Variants in WNT9B observed in about 807,000 individuals in gnomAD.
The protein encoded by WNT9B is protein Wnt-9b.
A neutral mutation model predicts 30.2 loss-of-function variants in WNT9B; 12 were observed. The ratio of observed to expected loss-of-function variants is 0.40; its 90% CI spans 0.26 to 0.64. The LOEUF is 0.64. Among genes scored for constraint, WNT9B ranks in the 30% least tolerant of loss-of-function variants. The pLI is 0.42. For missense variants in WNT9B, 442 were observed against 485.2 expected, an observed-to-expected ratio of 0.91 and a Z score of 0.84; for synonymous variants, 218 against 216.9, an observed-to-expected ratio of 1.01 and a Z score of -0.05.
Position 46,833,309 on chromosome 17 carries a change from G to A in WNT9B, c.-37G>A, listed in dbSNP as rs116535967. On this transcript the variant is annotated 5_prime_UTR_variant, in exon 1 of 3. Coordinates refer to the WNT9B transcript ENST00000575372. ...CACAAGTTCTAACGTCCCACTGAAA[G>A]CAAGCTGCAATTTCTGTTGCTTCTT... 3.8e-3 allele frequency: 1,943 copies of A among 506,792 alleles called. 36 individuals carry two copies. Among genetic ancestry groups the A allele is most frequent in the African/African-American group, 0.032 (1,635 of 51,882 alleles). The allele number at this position is 506,792 out of a possible 1,614,324, so 31.4% of individuals were successfully genotyped here.
At chr17:46,863,908 C>T (rs1459432952) in intron 1 of WNT9B, among the ~76,000 whole-genome samples, 4 of 152,166 alleles carry the variant, frequency 2.6e-5, no homozygotes, top group Non-Finnish European at 5.9e-5. Context: ...CTTGATCAGG[C>T]AGGGAGGTTC....
At chr17:46,852,383 G>A (rs2084865147) in intron 1 of WNT9B, among the ~76,000 whole-genome samples, 1 of 149,150 alleles carries the variant, frequency 6.7e-6, no homozygotes, top group South Asian at 2.2e-4. Flanking sequence ...AAGAGTGAGA[G>A]GGCCCAGTGT....
At chr17:46,854,661 A>T (rs2146549365) in intron 1 of WNT9B, among the ~76,000 whole-genome samples, 1 of 152,120 alleles carries the variant, frequency 6.6e-6, no homozygotes, top group Non-Finnish European at 1.5e-5. Flanking sequence ...CAGTTTACAA[A>T]TCTCTTTTTT....
At chr17:46,863,541 G>C (rs1335473114) in intron 1 of WNT9B, among the ~76,000 whole-genome samples, 1 of 152,200 alleles carries the variant, frequency 6.6e-6, no homozygotes, top group African/African-American at 2.4e-5. Flanking sequence ...GATGGTTAGA[G>C]GGGGATGGGG....
At chr17:46,883,175 G>A (rs1041664316), downstream of WNT9B, among the ~76,000 whole-genome samples, 1 of 151,890 alleles carries the variant, frequency 6.6e-6, no homozygotes, top group African/African-American at 2.4e-5. Context: ...GTAGAGACGG[G>A]GTTTCACCAC....
chr17:46,845,784 GCTTTT>G (rs1280784161), intron 1 of WNT9B, among the ~76,000 whole-genome samples: 1 of 120,194 alleles, frequency 8.3e-6, no homozygotes, highest in East Asian at 2.7e-4. Context: ...CACTGTGCTG[GCTTTT>G]TTTTTTTTTT....
intron 1 of WNT9B, among the ~76,000 whole-genome samples, chr17:46,842,749 G>A (rs1013173188): frequency 6.6e-6 from 1 of 152,222 alleles, no homozygotes; most frequent in South Asian, 2.1e-4. Context: ...GGCATGATGA[G>A]TGATGCTCAA....
chr17:46,859,815 G>T (rs1040773678), intron 1 of WNT9B, among the ~76,000 whole-genome samples: 1 of 152,116 alleles, frequency 6.6e-6, no homozygotes, highest in Non-Finnish European at 1.5e-5. Context: ...TGAGTCTGCT[G>T]ATTTGCACAC....
At chr17:46,852,455 A>T (rs1243815229) in intron 1 of WNT9B, among the ~76,000 whole-genome samples, 3 of 141,088 alleles carry the variant, frequency 2.1e-5, no homozygotes, top group Admixed American at 7.1e-5. Flanking sequence ...TGGTTGGAAA[A>T]GGAGGATCAC....
chr17:46,884,881 TA>T (rs1261417352), downstream of WNT9B, among the ~76,000 whole-genome samples: 4 of 152,202 alleles, frequency 2.6e-5, no homozygotes. Context: ...GCTTCTCCTA[TA>T]TTTGCTTCCT....
At chr17:46,850,392 TG>T (rs551041091), upstream of WNT9B, among the ~76,000 whole-genome samples, 694 of 152,160 alleles carry the variant, frequency 4.6e-3, 9 homozygotes, top group African/African-American at 0.016. Context: ...CTCAAAGAGG[TG>T]GGGGCTTCCT....
Position 46,876,554 on chromosome 17 carries a change from G to A in WNT9B, c.910G>A (p.Val304Met). 1 of 1,613,644 alleles carries A rather than the reference G, an allele frequency of 6.2e-7. No individual in the cohort carries two copies. Among genetic ancestry groups the A allele is most frequent in the African/African-American group, 1.3e-5 (1 of 75,070 alleles). ...SKYSPGTAGR[V>M]CSREASCSSL... ...GTACTCACCTGGCACAGCAGGTAGG[G>A]TGTGCTCCCGGGAGGCCAGCTGCAG... Residue 304 changes from valine (V) to methionine (M), a missense_variant, in exon 4 of 4, where the codon GTG becomes ATG. By Grantham distance (21) the Val-to-Met change is conservative (BLOSUM62 1). Coordinates refer to ENST00000290015, the MANE Select transcript of WNT9B (RefSeq NM_003396.3).
intron 2 of WNT9B, among the ~76,000 whole-genome samples, chr17:46,873,892 G>A (rs768127766): frequency 7.9e-5 from 12 of 151,894 alleles, no homozygotes; most frequent in Non-Finnish European, 1.5e-4. Flanking sequence ...GGGAGGCTGA[G>A]GCAGGAGAAT....
At chr17:46,870,432 G>T (rs2085220374) in intron 1 of WNT9B, among the ~76,000 whole-genome samples, 1 of 152,222 alleles carries the variant, frequency 6.6e-6, no homozygotes, top group Non-Finnish European at 1.5e-5. Context: ...TGTAGACCTG[G>T]TGGACTGGAA....
rs182945323 is a variant in WNT9B at position 46,878,463 on chromosome 17, C to T, written c.*1745C>T. The stretch of plus-strand genomic sequence containing the variant: ...TGGAAGGATTTTTGACTGCAGAGGC[C>T]CGGCTGAGAAGCCAAACTGACCTGA... On this transcript the variant is annotated 3_prime_UTR_variant, in exon 4 of 4. Coordinates refer to ENST00000290015, the MANE Select transcript of WNT9B (RefSeq NM_003396.3). Among the ~76,000 whole-genome samples, 183 of 152,286 alleles carry T rather than the reference C, an allele frequency of 1.2e-3. No individual in the cohort carries two copies. The highest frequency in any genetic ancestry group is 4.2e-3 in the African/African-American group (173 of 41,560).
At chr17:46,837,208 TG>T (rs1235538120) in intron 1 of WNT9B, among the ~76,000 whole-genome samples, 6 of 152,204 alleles carry the variant, frequency 3.9e-5, no homozygotes, top group Non-Finnish European at 8.8e-5. Context: ...CCCAAAGTGC[TG>T]GGATTACAGG....
chr17:46,876,670 G>C lies in WNT9B; in HGVS notation c.1026G>C (p.Glu342Asp). The change falls in exon 4 of 4, where the codon GAG (glutamate) becomes GAC (aspartate). Residue 342 changes from glutamate to aspartate, a missense_variant. Coordinates refer to ENST00000290015, the MANE Select transcript of WNT9B (RefSeq NM_003396.3). The part of the protein sequence containing the change: ...HCQVQWCCYV[E>D]CQQCVQEELV... The stretch of plus-strand genomic sequence containing the variant: ...AGGTGCAGTGGTGCTGCTACGTGGA[G>C]TGCCAGCAATGTGTGCAGGAGGAGC... 6.3e-7 allele frequency: 1 copy of C among 1,593,980 alleles called. No homozygotes were observed. Among genetic ancestry groups the C allele is most frequent in the Non-Finnish European group, 8.6e-7 (1 of 1,167,114 alleles).
chr17:46,876,904 C>A lies in WNT9B; in HGVS notation c.*186C>A. 7.3e-7 allele frequency: 1 copy of A among 1,365,564 alleles called. No individual in the cohort carries two copies. The highest frequency in any genetic ancestry group is 2.1e-5 in the South Asian group (1 of 46,780). The allele number at this position is 1,365,564 out of a possible 1,614,324, so 84.6% of individuals were successfully genotyped here. On this transcript the variant is annotated 3_prime_UTR_variant, in exon 4 of 4. Coordinates refer to ENST00000290015, the MANE Select transcript of WNT9B (RefSeq NM_003396.3). ...GCCTTTTGCCTCCCTCGATACTCAACAAAGAGAAGCAAAGCCTCCTCCCTT... is the reference window on the plus strand; with the variant it reads ...GCCTTTTGCCTCCCTCGATACTCAAAAAAGAGAAGCAAAGCCTCCTCCCTT...
chr17:46,837,235 C>T (rs2084644585), intron 1 of WNT9B, among the ~76,000 whole-genome samples: 2 of 152,332 alleles, frequency 1.3e-5, no homozygotes, highest in African/African-American at 4.8e-5. Flanking sequence ...GCCACCGTGC[C>T]TGGCTGAACC....
Sources: gnomAD v4.1 joint callset for allele counts (sites outside exome capture counted in the v4.1 genomes callset) on GRCh38, gnomAD v4.1.1 for gene constraint, MANE v1.5 for transcripts, NCBI Gene and HGNC (gene_info 2026-07-23, HGNC 2026-07-21) for gene names.